The following KCP variants were observed in gnomAD, a reference collection of about 807,000 sequenced individuals.
KCP encodes the protein kielin cysteine rich BMP regulator.
KCP carries 194 observed loss-of-function variants against 212.7 expected under a neutral mutation model. That is an observed-to-expected ratio of 0.91 (90% CI 0.81 to 1.03). KCP has a LOEUF of 1.03. Among genes scored for constraint, KCP ranks in the 50% least tolerant of loss-of-function variants. KCP has a pLI of 0.00. For synonymous variants in KCP, 833 were observed against 865.3 expected (o/e 0.96, Z 0.65); for missense variants, 2,080 against 2,162.5 (o/e 0.96, Z 0.76).
intron 29 of KCP, 106 bp downstream of exon 29, chr7:128,883,896 T>A: frequency 7.3e-7 from 1 of 1,364,998 alleles, no homozygotes; most frequent in African/African-American, 1.5e-5. Flanking sequence ...TCCAGAACAG[T>A]CCACTGGAGT....
chr7:128,891,459 G>T lies in KCP; in HGVS notation c.1870C>A (p.Arg624Ser). ...PHPSDPCRLCRCLSGNVQCLA... is the reference protein window; with the variant it reads ...PHPSDPCRLCSCLSGNVQCLA... ...CCCAGGTGCAGACTCACCAGACAGC[G>T]ACACAGACGGCAGGGGTCAGAGGGG... Residue 624 changes from arginine (R) to serine (S), a missense_variant, in exon 18 of 40, where the codon CGC becomes AGC. Physicochemically the swap from Arg to Ser is moderately radical, Grantham distance 110. Coordinates refer to ENST00000610776, the MANE Select transcript of KCP (RefSeq NM_001366122.1). 2 of 1,550,450 alleles carry T rather than the reference G, an allele frequency of 1.3e-6. No homozygotes were observed. The highest frequency in any genetic ancestry group is 1.2e-5 in the South Asian group (1 of 84,042).
Position 128,888,261 on chromosome 7 carries a change from CACAG to C in KCP, c.2512+598_2512+601del, listed in dbSNP as rs535346360. ...ACACATACGGTCACACACACACGTACACAGACACACATACACTGTCACACACACA... is the reference window on the plus strand; with the variant it reads ...ACACATACGGTCACACACACACGTACACACACATACACTGTCACACACACA... On this transcript the variant is annotated intron_variant, in intron 22 of 39. Transcript: ENST00000610776. 9.9e-5 allele frequency among the ~76,000 whole-genome samples: 15 copies of C among 151,290 alleles called. No homozygotes were observed. In the South Asian group the frequency reaches 3.1e-3, roughly 32 times the overall value.
At position 128,884,794 on chromosome 7, in the gene KCP, A is replaced by G. The variant is rs1793542976; in HGVS notation, c.3110T>C (p.Val1037Ala). 2.6e-6 allele frequency: 4 copies of G among 1,550,876 alleles called. No individual in the cohort carries two copies. Among genetic ancestry groups the G allele is most frequent in the Admixed American group, 2.0e-5 (1 of 50,990 alleles). Residue 1037 changes from valine to alanine, a missense_variant, in exon 28 of 40, where the codon GTG (valine) becomes GCG (alanine). Coordinates refer to ENST00000610776, the MANE Select transcript of KCP (RefSeq NM_001366122.1). ...GCCCTCACCTACCTCGCAGATGCACACTTCACAGGGGTCTGCCCCAGGCTG... is the reference window on the plus strand; with the variant it reads ...GCCCTCACCTACCTCGCAGATGCACGCTTCACAGGGGTCTGCCCCAGGCTG... ...SFQPGADPCE[V>A]CICEPQPEGP... is the part of the protein sequence containing the mutation.
At chr7:128,879,041 G>A in intron 37 of KCP, 1 of 413,022 alleles carries the variant, frequency 2.4e-6, no homozygotes, top group East Asian at 4.1e-5. Flanking sequence ...TTTCTCATGG[G>A]CATTCGGGCC....
intron 18 of KCP, 51 bp downstream of exon 18, chr7:128,891,400 C>T: frequency 6.5e-7 from 1 of 1,546,570 alleles, no homozygotes. Flanking sequence ...CTGGCCTCTG[C>T]AAGTCCCGCC....
chr7:128,880,403 G>A lies in KCP; in HGVS notation c.3742C>T (p.Pro1248Ser), dbSNP rs750002056. Residue 1248 changes from proline to serine, a missense_variant, in exon 34 of 40, where the codon CCG (proline) becomes TCG (serine). By Grantham distance (74) the Pro-to-Ser change is moderately conservative. Coordinates refer to ENST00000610776, the MANE Select transcript of KCP (RefSeq NM_001366122.1). ...GCACTCACGGGGCCACACGAGAGCG[G>A]TGAGCAGCGCTGGCTCTGGCAACGC... Reference protein sequence around the residue: ...TVRCQSQRCSPLSCGPDKAPA... With the variant: ...TVRCQSQRCSSLSCGPDKAPA... 5 of 1,539,858 alleles carry A rather than the reference G, an allele frequency of 3.2e-6. No individual in the cohort carries two copies. The highest frequency in any genetic ancestry group is 2.0e-5 in the Admixed American group (1 of 50,084).
Position 128,893,810 on chromosome 7 carries a change from G to T in KCP, c.1095C>A (p.Cys365Ter). The T allele has an allele frequency of 6.4e-7, 1 of 1,550,458 alleles. No individual in the cohort carries two copies. The change falls in exon 11 of 40, where the codon TGC becomes TGA. Residue 365 changes from cysteine to a stop codon, truncating the protein, a stop_gained. Transcript: ENST00000610776. LOFTEE classifies it high-confidence loss of function. Reference sequence around the variant, plus strand: ...GAGACCCCGGCCCCCACTCACCATCGCAGACAGGGCAGCACTGCCCAGGGA... The same window carrying T: ...GAGACCCCGGCCCCCACTCACCATCTCAGACAGGGCAGCACTGCCCAGGGA... ...GKIPGQCCPV[C>*]DGCEYQGHQY...
intron 20 of KCP, 90 bp from the exon 21 acceptor site, chr7:128,890,603 G>C: frequency 9.1e-7 from 1 of 1,095,930 alleles, no homozygotes; most frequent in Non-Finnish European, 1.3e-6. Flanking sequence ...TGGAGGACGG[G>C]TGTCGTGGGG....
Position 128,908,251 on chromosome 7 carries a change from GAAGAAAGA to G in KCP, c.219+167_219+174del, listed in dbSNP as rs370653893. 6.2e-3 allele frequency among the ~76,000 whole-genome samples: 631 copies of G among 101,260 alleles called. 3 individuals are homozygous for G. The highest frequency in any genetic ancestry group is 8.8e-3 in the Admixed American group (86 of 9,798). 66.4% of individuals were successfully genotyped at this position (101,260 alleles called of 152,430 possible). A position where few individuals can be genotyped will look rare whatever the true frequency, so the allele number is the denominator to read the frequency against. ...AGGAAAGAAGAAAGGAAGAAAGAAAGAAGAAAGAAAGAAAGAAAGAAAGAAAGAAAGAA... is the reference window on the plus strand; with the variant it reads ...AGGAAAGAAGAAAGGAAGAAAGAAAGAAGAAAGAAAGAAAGAAAGAAAGAA... On this transcript the variant is annotated intron_variant, in intron 2 of 39. Transcript: ENST00000610776.
At chr7:128,879,501 A>G in intron 37 of KCP, 21 bp downstream of exon 37, 1 of 1,543,780 alleles carries the variant, frequency 6.5e-7, no homozygotes, top group East Asian at 2.4e-5. Flanking sequence ...CAGCCCACCC[A>G]GACTCGCCCT....
chr7:128,880,991 G>T lies in KCP; in HGVS notation c.3513+6C>A. 1 of 398,960 alleles carries T rather than the reference G, an allele frequency of 2.5e-6. No homozygotes were observed. Among genetic ancestry groups the T allele is most frequent in the Non-Finnish European group, 4.4e-6 (1 of 226,332 alleles). The allele number at this position is 398,960 out of a possible 1,614,324, so 24.7% of individuals were successfully genotyped here. ...CCTCCACCCTCCCAGGCCCACCCCAGCTCACATGGCAGGTGCAGGCGATGC... is the reference window on the plus strand; with the variant it reads ...CCTCCACCCTCCCAGGCCCACCCCATCTCACATGGCAGGTGCAGGCGATGC... On this transcript the variant is annotated splice_donor_region_variant and intron_variant, in intron 32 of 39. Transcript: ENST00000610776.
Position 128,908,992 on chromosome 7 carries a change from G to A in KCP, c.77-424C>T, listed in dbSNP as rs111964692. On this transcript the variant is annotated intron_variant, in intron 1 of 39. Transcript: ENST00000610776. ...TTGGGTGGGGTGGGCTTCAAAAGTG[G>A]GACTTGGCTGCATTTTCTGAAGGGT... Among the ~76,000 whole-genome samples, 444 of 152,318 alleles carry A rather than the reference G, an allele frequency of 2.9e-3. 2 individuals are homozygous for A. Among genetic ancestry groups the A allele is most frequent in the African/African-American group, 0.01 (434 of 41,560 alleles).
rs1261106124 is a variant in KCP, at chr7:128,879,547, A to G, written c.4121T>C (p.Ile1374Thr). The change falls in exon 37 of 40, where the codon ATC becomes ACC. Residue 1374 changes from isoleucine to threonine, a missense_variant. By Grantham distance (89) the Ile-to-Thr change is moderately conservative. Coordinates refer to ENST00000610776, the MANE Select transcript of KCP (RefSeq NM_001366122.1). ...CTGGAGCCCGGGCTGGGCGTGCAGG[A>G]TCACAGTGTGTCCTCGCAGCTCCAC... ...LYVELRGHTV[I>T]LHAQPGLQVL... 3 of 1,549,976 alleles carry G rather than the reference A, an allele frequency of 1.9e-6. No individual in the cohort carries two copies. In the African/African-American group the frequency reaches 4.1e-5, roughly 21 times the overall value.
intron 1 of KCP, among the ~76,000 whole-genome samples, chr7:128,909,986 T>C (rs1795344870): frequency 6.6e-6 from 1 of 152,172 alleles, no homozygotes; most frequent in East Asian, 1.9e-4. Context: ...TGGGGCCTCA[T>C]CCTGCTGCCC....
At position 128,908,556 on chromosome 7, in the gene KCP, G is replaced by A. The variant is rs2128951257; in HGVS notation, c.89C>T (p.Pro30Leu). The A allele has an allele frequency of 6.4e-7, 1 of 1,550,908 alleles. No homozygotes were observed. The highest frequency in any genetic ancestry group is 2.4e-5 in the East Asian group (1 of 40,884). ...TGTCTGCTGCCCAGGGGGCTCCCTGGGGACAGCCCCACCTGAAGGGCACAA... is the reference window on the plus strand; with the variant it reads ...TGTCTGCTGCCCAGGGGGCTCCCTGAGGACAGCCCCACCTGAAGGGCACAA... ...LAAGAEGGAVPREPPGQQTTA... is the reference protein window; with the variant it reads ...LAAGAEGGAVLREPPGQQTTA... The change falls in exon 2 of 40, where the codon CCC becomes CTC. Residue 30 changes from proline (P) to leucine (L), a missense_variant. By Grantham distance (98) the Pro-to-Leu change is moderately conservative. Transcript: ENST00000610776.
At chr7:128,906,095 G>C (rs1463042881) in intron 5 of KCP, among the ~76,000 whole-genome samples, 184 bp downstream of exon 5, 1 of 152,172 alleles carries the variant, frequency 6.6e-6, no homozygotes, top group African/African-American at 2.4e-5. Context: ...ATGGTCTCTG[G>C]CTCAGTCCCA....
intron 23 of KCP, 119 bp from the exon 24 acceptor site, chr7:128,887,085 G>T: frequency 1.9e-6 from 2 of 1,062,378 alleles, no homozygotes; most frequent in Non-Finnish European, 2.9e-6. Flanking sequence ...CCTGAGCCCA[G>T]TCCTGTCCCA....
chr7:128,908,279 A>AAAGAAAGAAAGT lies in KCP; in HGVS notation c.219+146_219+147insACTTTCTTTCTT, dbSNP rs1165495616. 28 of 562,680 alleles carry AAAGAAAGAAAGT rather than the reference A, an allele frequency of 5.0e-5. No homozygotes were observed. The African/African-American group carries it at 5.3e-4, about 11-fold the overall frequency. The allele number at this position is 562,680 out of a possible 1,614,324, so 34.9% of individuals were successfully genotyped here. Reference sequence around the variant, plus strand: ...GAAAGAAAGAAAGAAAGAAAGAAAGAAAGAAAGAAAGAAAGAAAGAAAGAA... The same window carrying AAAGAAAGAAAGT: ...GAAAGAAAGAAAGAAAGAAAGAAAGAAAGAAAGAAAGTAAGAAAGAAAGAAAGAAAGAAAGAA... On this transcript the variant is annotated intron_variant, in intron 2 of 39. Coordinates refer to ENST00000610776, the MANE Select transcript of KCP (RefSeq NM_001366122.1).
At position 128,891,070 on chromosome 7, in the gene KCP, G is replaced by T. The variant is rs890946015; in HGVS notation, c.1999C>A (p.Arg667=). ...PAAPAPAGCP[R]PGAAHARHQE... is the part of the protein sequence containing the mutation. Reference sequence around the variant, plus strand: ...TGGCGGGCGTGGGCCGCGCCGGGCCGTGGGCAGCCGGCGGGGGCTGGGGCG... The same window carrying T: ...TGGCGGGCGTGGGCCGCGCCGGGCCTTGGGCAGCCGGCGGGGGCTGGGGCG... Residue 667 remains arginine (R), a synonymous_variant, in exon 20 of 40, where the codon CGG becomes AGG. Coordinates refer to ENST00000610776, the MANE Select transcript of KCP (RefSeq NM_001366122.1). 7.1e-7 allele frequency: 1 copy of T among 1,413,090 alleles called. No homozygotes were observed. 87.5% of individuals were successfully genotyped at this position (1,413,090 alleles called of 1,614,324 possible). A position where few individuals can be genotyped will look rare whatever the true frequency, so the allele number is the denominator to read the frequency against.
Sources: gnomAD v4.1 joint callset for allele counts (sites outside exome capture counted in the v4.1 genomes callset) on GRCh38, gnomAD v4.1.1 for gene constraint, MANE v1.5 for transcripts, NCBI Gene and HGNC (gene_info 2026-07-23, HGNC 2026-07-21) for gene names.